The following NBEA variants were observed in gnomAD, a reference collection of about 807,000 sequenced individuals.
The protein encoded by NBEA is neurobeachin.
In NBEA, 44 loss-of-function variants were observed where a neutral mutation model predicts 343.4. The observed-to-expected ratio is 0.13, with a 90% CI of 0.10 to 0.16. NBEA has a LOEUF of 0.16. Ranked by LOEUF, NBEA falls within the 10% of genes least tolerant of loss-of-function variation. NBEA has a pLI of 1.00. For synonymous variants in NBEA, 1,175 were observed against 1,238.7 expected, an observed-to-expected ratio of 0.95 and a Z score of 1.08; for missense variants, 2,555 against 3,631.3, an observed-to-expected ratio of 0.70 and a Z score of 7.62.
chr13:35,188,700 C>A (rs548955061), intron 30 of NBEA, among the ~76,000 whole-genome samples: 4 of 151,984 alleles, frequency 2.6e-5, no homozygotes, highest in Admixed American at 2.6e-4. Context: ...TTGGGGTGCA[C>A]ATACCTCTTT....
At chr13:35,136,613 C>G (rs1459596689) in intron 17 of NBEA, among the ~76,000 whole-genome samples, 2 of 151,968 alleles carry the variant, frequency 1.3e-5, no homozygotes, top group Non-Finnish European at 2.9e-5. Flanking sequence ...AAAACCTAGG[C>G]AAAAAAGAAG....
At chr13:35,023,630 G>A (rs2061920907) in intron 1 of NBEA, among the ~76,000 whole-genome samples, 1 of 152,102 alleles carries the variant, frequency 6.6e-6, no homozygotes, top group Admixed American at 6.6e-5. Flanking sequence ...GTACATCTGT[G>A]TGTGTATGTA....
At chr13:35,568,137 T>C (rs957073356) in intron 45 of NBEA, among the ~76,000 whole-genome samples, 5 of 152,340 alleles carry the variant, frequency 3.3e-5, no homozygotes, top group African/African-American at 1.2e-4. Context: ...GTATTAAGTA[T>C]TATTGTTACA....
intron 41 of NBEA, among the ~76,000 whole-genome samples, chr13:35,501,265 T>C (rs1479763127): frequency 6.6e-6 from 1 of 152,134 alleles, no homozygotes; most frequent in Non-Finnish European, 1.5e-5. Flanking sequence ...TTTAAAACTC[T>C]CAGAAGCACA....
At chr13:35,083,275 A>G (rs867786486) in intron 10 of NBEA, among the ~76,000 whole-genome samples, 16 of 152,170 alleles carry the variant, frequency 1.1e-4, no homozygotes, top group African/African-American at 3.9e-4. Context: ...CCATTGGTCT[A>G]TATCTCTGTT....
intron 18 of NBEA, among the ~76,000 whole-genome samples, chr13:35,145,147 CTTG>C (rs776600221): frequency 6.6e-6 from 1 of 152,184 alleles, no homozygotes; most frequent in Non-Finnish European, 1.5e-5. Flanking sequence ...CATAAAGCCT[CTTG>C]TTGTTTCCTT....
rs1425206038 is a variant in NBEA at position 35,070,736 on chromosome 13, A to G, written c.1455A>G (p.Val485=). The change falls in exon 10 of 59, where the codon GTA becomes GTG. Residue 485 remains valine (V), a synonymous_variant. Coordinates refer to ENST00000379939, the MANE Select transcript of NBEA (RefSeq NM_001385012.1). The stretch of plus-strand genomic sequence containing the variant: ...GGACATAGGATGTGAAAGCGATAGT[A>G]ACACATTCAATTCATAGTGCAATTC... ...ALMLQDVKAI[V]THSIHSAIHS... 6.3e-7 allele frequency: 1 copy of G among 1,592,502 alleles called. No individual in the cohort carries two copies. Among genetic ancestry groups the G allele is most frequent in the Non-Finnish European group, 8.6e-7 (1 of 1,167,054 alleles).
intron 41 of NBEA, chr13:35,475,413 C>T (rs748166699): frequency 1.9e-6 from 3 of 1,613,792 alleles, no homozygotes; most frequent in South Asian, 2.2e-5. Context: ...AGCCCCCCAT[C>T]TGCAGTCTGT....
At chr13:34,967,921 G>A (rs1188870130) in intron 1 of NBEA, among the ~76,000 whole-genome samples, 1 of 152,032 alleles carries the variant, frequency 6.6e-6, no homozygotes, top group Non-Finnish European at 1.5e-5. Flanking sequence ...GACTCCACAA[G>A]TTAAGGAGCC....
At chr13:35,089,044 A>C (rs533639067) in intron 10 of NBEA, among the ~76,000 whole-genome samples, 121 of 108,308 alleles carry the variant, frequency 1.1e-3, no homozygotes, top group Admixed American at 2.2e-3. Context: ...GCAACAAAAG[A>C]CAAAATTGAC....
At chr13:35,015,145 A>AAAAAAAAAAAAAC (rs1355977808) in intron 1 of NBEA, among the ~76,000 whole-genome samples, 1 of 141,474 alleles carries the variant, frequency 7.1e-6, no homozygotes, top group Non-Finnish European at 1.5e-5. Flanking sequence ...AAAAACAAAC[A>AAAAAAAAAAAAAC]AAAAAAAAAA....
At chr13:35,117,005 A>G (rs1250616797) in intron 13 of NBEA, among the ~76,000 whole-genome samples, 1 of 151,992 alleles carries the variant, frequency 6.6e-6, no homozygotes, top group Non-Finnish European at 1.5e-5. Context: ...GTGCTTTGTT[A>G]AATAATGTGT....
At chr13:35,389,414 C>T (rs934780819) in intron 38 of NBEA, among the ~76,000 whole-genome samples, 4 of 152,046 alleles carry the variant, frequency 2.6e-5, no homozygotes, top group African/African-American at 9.7e-5. Context: ...CTAATCAAAT[C>T]CTTTATTATT....
At chr13:35,444,810 G>T (rs9573941) in intron 39 of NBEA, among the ~76,000 whole-genome samples, 30,243 of 151,932 alleles carry the variant, frequency 0.2, 3,183 homozygotes, top group South Asian at 0.34. Flanking sequence ...TGCAAAATCA[G>T]AAGTACATGT....
rs528839625 is a variant in NBEA at position 35,124,759 on chromosome 13, GAT to G, written c.2336+1193_2336+1194del. Among the ~76,000 whole-genome samples, 158 of 150,070 alleles carry G rather than the reference GAT, an allele frequency of 1.1e-3. 1 individual carries two copies. Among genetic ancestry groups the G allele is most frequent in the Middle Eastern group, 3.5e-3 (1 of 286 alleles). ...ATGGATATATACACACATATGTATG[GAT>G]ATATATACACACATATATGGATATA... On this transcript the variant is annotated intron_variant, in intron 17 of 58. Coordinates refer to ENST00000379939, the MANE Select transcript of NBEA (RefSeq NM_001385012.1).
chr13:35,341,839 T>C (rs1339918448), intron 36 of NBEA, among the ~76,000 whole-genome samples: 1 of 152,076 alleles, frequency 6.6e-6, no homozygotes, highest in Non-Finnish European at 1.5e-5. Flanking sequence ...AAGTTAAACA[T>C]AGAGTTACCA....
intron 30 of NBEA, among the ~76,000 whole-genome samples, chr13:35,193,822 T>C (rs1478874559): frequency 6.6e-6 from 1 of 151,880 alleles, no homozygotes; most frequent in Non-Finnish European, 1.5e-5. Flanking sequence ...TTGACCAAAC[T>C]AACAAATAAA....
rs556269985 is a variant in NBEA, at chr13:35,546,416, A to T, written c.6586-4061A>T. Among the ~76,000 whole-genome samples the T allele has an allele frequency of 1.8e-4, 28 of 151,464 alleles. No individual in the cohort carries two copies. The South Asian group carries it at 5.7e-3, about 31-fold the overall frequency. On this transcript the variant is annotated intron_variant, in intron 41 of 58. Coordinates refer to ENST00000379939, the MANE Select transcript of NBEA (RefSeq NM_001385012.1). ...GGAGGTGGAGGTTGCATGAGAGGAGATGGCATTGTTGCACTCCAGCATGGC... is the reference window on the plus strand; with the variant it reads ...GGAGGTGGAGGTTGCATGAGAGGAGTTGGCATTGTTGCACTCCAGCATGGC...
At chr13:35,340,248 G>A (rs375041908) in intron 36 of NBEA, among the ~76,000 whole-genome samples, 26 of 152,206 alleles carry the variant, frequency 1.7e-4, no homozygotes, top group Admixed American at 1.4e-3. Flanking sequence ...GACAAGTGAA[G>A]CATAAACAGA....
Sources: allele counts gnomAD v4.1 joint callset (sites outside exome capture counted in the v4.1 genomes callset), GRCh38; gene constraint gnomAD v4.1.1; transcripts MANE v1.5; gene names NCBI Gene and HGNC (gene_info 2026-07-23, HGNC 2026-07-21).